PRRG1: variants seen among roughly 807,000 people sequenced by gnomAD.
The protein encoded by PRRG1 is transmembrane gamma-carboxyglutamic acid protein 1.
In PRRG1, 5 loss-of-function variants were observed where a neutral mutation model predicts 11.8. That is an observed-to-expected ratio of 0.42 (90% CI 0.22 to 0.89). The LOEUF is 0.89. Ranked by LOEUF, PRRG1 falls within the 40% of genes least tolerant of loss-of-function variation. PRRG1 has a pLI of 0.28. For synonymous variants in PRRG1, 66 were observed against 60.4 expected, an observed-to-expected ratio of 1.09 and a Z score of -0.43; for missense variants, 155 against 166.1, an observed-to-expected ratio of 0.93 and a Z score of 0.37.
rs200772898 is a variant in PRRG1 at position 37,453,013 on chromosome X, A to G, written c.172-123A>G. Reference sequence around the variant, plus strand: ...AAAATATAGACTTGTAGGTCCTTTGATTCAGCAAATTTGGTTTTGGGTTTT... The same window carrying G: ...AAAATATAGACTTGTAGGTCCTTTGGTTCAGCAAATTTGGTTTTGGGTTTT... On this transcript the variant is annotated intron_variant, in intron 3 of 3. Coordinates refer to ENST00000378628, the MANE Select transcript of PRRG1 (RefSeq NM_001142395.2). 3.8e-6 allele frequency: 3 copies of G among 783,635 alleles called. No individual in the cohort carries two copies. The East Asian group carries it at 1.1e-4, about 27-fold the overall frequency. 64.6% of individuals were successfully genotyped at this position (783,635 alleles called of 1,213,427 possible).
intron 3 of PRRG1, among the ~76,000 whole-genome samples, chrX:37,427,272 C>CA (rs1218375625): frequency 6.3e-5 from 7 of 111,251 alleles, no homozygotes; most frequent in South Asian, 3.7e-4. Flanking sequence ...TATTCTTTTA[C>CA]AAAAAAAATT....
intron 1 of PRRG1, among the ~76,000 whole-genome samples, chrX:37,374,620 T>A (rs1394330774): frequency 8.9e-6 from 1 of 112,215 alleles, no homozygotes; most frequent in East Asian, 2.8e-4. Context: ...CTTCAACTTG[T>A]GTAATTTCTA....
intron 2 of PRRG1, among the ~76,000 whole-genome samples, chrX:37,413,277 T>TA (rs1270063350): frequency 7.3e-5 from 8 of 109,219 alleles, no homozygotes; most frequent in Admixed American, 2.0e-4. Context: ...TTCACTGCCC[T>TA]AAAAAAAAAT....
chrX:37,413,524 A>G (rs1408050220), intron 2 of PRRG1, among the ~76,000 whole-genome samples: 3 of 111,568 alleles, frequency 2.7e-5, no homozygotes, highest in Non-Finnish European at 3.8e-5. Flanking sequence ...CCATTGCTGT[A>G]TCATATGGTA....
At chrX:37,406,539 A>G (rs190213841) in intron 2 of PRRG1, among the ~76,000 whole-genome samples, 1 of 109,499 alleles carries the variant, frequency 9.1e-6, no homozygotes, top group Admixed American at 9.9e-5. Flanking sequence ...TTATATATAT[A>G]ACTCACAGAT....
chrX:37,454,102 G>C lies in PRRG1; in HGVS notation c.*481G>C, dbSNP rs1465700827. 8.9e-6 allele frequency: 1 copy of C among 111,936 alleles called. No homozygotes were observed. The highest frequency in any genetic ancestry group is 3.3e-5 in the African/African-American group (1 of 30,738). 9.2% of individuals were successfully genotyped at this position (111,936 alleles called of 1,213,427 possible). Reference sequence around the variant, plus strand: ...CTTAGCATGTTTTCTAATTCTGACTGGCTTTTGTTAACTTGATAATTCTTC... The same window carrying C: ...CTTAGCATGTTTTCTAATTCTGACTCGCTTTTGTTAACTTGATAATTCTTC... On this transcript the variant is annotated 3_prime_UTR_variant, in exon 4 of 4. Transcript: ENST00000378628.
intron 1 of PRRG1, among the ~76,000 whole-genome samples, chrX:37,357,715 A>G (rs781996936): frequency 9.1e-4 from 102 of 112,053 alleles, no homozygotes; most frequent in African/African-American, 3.3e-3. Flanking sequence ...AAACCATAGC[A>G]TGTATAGGAG....
At chrX:37,427,589 G>A (rs1395786336) in intron 3 of PRRG1, among the ~76,000 whole-genome samples, 1 of 112,225 alleles carries the variant, frequency 8.9e-6, no homozygotes, top group African/African-American at 3.2e-5. Context: ...ATAACTGAAA[G>A]TTTATACTGT....
chrX:37,421,885 T>C (rs1932669472), intron 2 of PRRG1, among the ~76,000 whole-genome samples: 1 of 112,189 alleles, frequency 8.9e-6, no homozygotes, highest in Admixed American at 9.5e-5. Flanking sequence ...ACAGGTCAGA[T>C]TCTTACTTTA....
At chrX:37,430,838 C>T (rs782534722) in intron 3 of PRRG1, among the ~76,000 whole-genome samples, 1 of 111,403 alleles carries the variant, frequency 9.0e-6, no homozygotes, top group African/African-American at 3.3e-5. Context: ...TCACTGCAAT[C>T]AAGTAGCAGA....
At chrX:37,369,759 G>A (rs1169273520) in intron 1 of PRRG1, among the ~76,000 whole-genome samples, 3 of 111,485 alleles carry the variant, frequency 2.7e-5, no homozygotes, top group African/African-American at 9.8e-5. Context: ...ATTGAATCAT[G>A]AGGGTGGGTC....
intron 1 of PRRG1, among the ~76,000 whole-genome samples, chrX:37,393,036 A>C (rs897107393): frequency 3.6e-5 from 4 of 111,238 alleles, no homozygotes; most frequent in Admixed American, 1.9e-4. Flanking sequence ...AATTTGCTAC[A>C]TATTACTGTA....
chrX:37,362,408 T>C (rs1556367890), intron 1 of PRRG1, among the ~76,000 whole-genome samples: 1 of 110,194 alleles, frequency 9.1e-6, no homozygotes, highest in Non-Finnish European at 1.9e-5. Context: ...TTTTTAACTT[T>C]TCTCCCCAGT....
intron 1 of PRRG1, among the ~76,000 whole-genome samples, chrX:37,369,720 G>A (rs782543771): frequency 9.0e-6 from 1 of 111,288 alleles, no homozygotes; most frequent in Non-Finnish European, 1.9e-5. Context: ...TAATCCCCAC[G>A]TGTCATAGGA....
At chrX:37,442,675 A>T (rs868992797) in intron 3 of PRRG1, among the ~76,000 whole-genome samples, 1 of 111,159 alleles carries the variant, frequency 9.0e-6, no homozygotes, top group Non-Finnish European at 1.9e-5. Flanking sequence ...ACTTTTTTTT[A>T]AAATAAGCAA....
At position 37,367,306 on chromosome X, in the gene PRRG1, T is replaced by C. The variant is rs182347458; in HGVS notation, c.-42+17911T>C. Among the ~76,000 whole-genome samples the C allele has an allele frequency of 1.9e-3, 215 of 112,611 alleles. 1 individual carries two copies. Among genetic ancestry groups the C allele is most frequent in the African/African-American group, 6.3e-3 (196 of 31,049 alleles). The stretch of plus-strand genomic sequence containing the variant: ...TTAACTGTGTTTGTAGATTTTGATA[T>C]GTATTTTTATTATATTTAGTTCAAA... On this transcript the variant is annotated intron_variant, in intron 1 of 3. Coordinates refer to ENST00000378628, the MANE Select transcript of PRRG1 (RefSeq NM_001142395.2).
At position 37,426,011 on chromosome X, in the gene PRRG1, T is replaced by G. The variant is rs782460563; in HGVS notation, c.171+11T>G. ...AATAATGAAAAAACTGTAAGTATGT[T>G]GGCAATTAAAAAGTTGCACAGATTT... On this transcript the variant is annotated intron_variant, in intron 3 of 3. Coordinates refer to ENST00000378628, the MANE Select transcript of PRRG1 (RefSeq NM_001142395.2). 4 of 1,164,683 alleles carry G rather than the reference T, an allele frequency of 3.4e-6. No homozygotes were observed.
chrX:37,401,795 T>TA (rs1382982629), intron 1 of PRRG1, among the ~76,000 whole-genome samples: 6 of 111,100 alleles, frequency 5.4e-5, no homozygotes, highest in Non-Finnish European at 7.5e-5. Context: ...AGTCTCAGGA[T>TA]AAAAAATCAA....
At chrX:37,385,859 C>G (rs1056858696) in intron 1 of PRRG1, among the ~76,000 whole-genome samples, 1 of 110,721 alleles carries the variant, frequency 9.0e-6, no homozygotes, top group Non-Finnish European at 1.9e-5. Context: ...CTACCAGGCT[C>G]AAGCGATACT....
Sources: gnomAD v4.1 joint callset for allele counts (sites outside exome capture counted in the v4.1 genomes callset) on GRCh38, gnomAD v4.1.1 for gene constraint, MANE v1.5 for transcripts, NCBI Gene and HGNC (gene_info 2026-07-23, HGNC 2026-07-21) for gene names.